The following MRFAP1 variants were observed in gnomAD, a reference collection of about 807,000 sequenced individuals.
MRFAP1 encodes MORF4 family-associated protein 1.
In MRFAP1, 1 loss-of-function variant was observed where a neutral mutation model predicts 9.3. The observed-to-expected ratio is 0.11, with a 90% CI of 0.04 to 0.51. The LOEUF (loss-of-function observed/expected upper bound fraction) is 0.51. Among genes scored for constraint, MRFAP1 ranks in the 20% least tolerant of loss-of-function variants. The probability of loss-of-function intolerance (pLI) is 0.94; values close to 1 mark genes in which losing one functional copy is unlikely to be tolerated. For missense variants in MRFAP1, 180 were observed against 178.6 expected, an observed-to-expected ratio of 1.01 and a Z score of -0.04; for synonymous variants, 101 against 80.3, an observed-to-expected ratio of 1.26 and a Z score of -1.38.
chr4:6,641,559 T>C, intron 1 of MRFAP1, 171 bp from the exon 2 acceptor site: 1 of 308,806 alleles, frequency 3.2e-6, no homozygotes, highest in Non-Finnish European at 6.0e-6. Flanking sequence ...GGGGTGGAAA[T>C]AGAGGATTTT....
rs749150979 is a variant in MRFAP1 at position 6,640,832 on chromosome 4, C to T, written c.-31C>T. ...TCGGTTTTCTCTCTCCAACAGACATCGCTATTGCGGTTCCGAGGCAGTGGG... is the reference window on the plus strand; with the variant it reads ...TCGGTTTTCTCTCTCCAACAGACATTGCTATTGCGGTTCCGAGGCAGTGGG... On this transcript the variant is annotated 5_prime_UTR_variant, in exon 1 of 2. Transcript: ENST00000382581. 1.3e-5 allele frequency: 21 copies of T among 1,582,446 alleles called. No homozygotes were observed. In the South Asian group the frequency reaches 2.2e-4, roughly 17 times the overall value.
rs1321302593 is a variant in MRFAP1 at position 6,641,120 on chromosome 4, C to T, written c.258C>T (p.Gly86=). The change falls in exon 1 of 2, where the codon GGC becomes GGT. Residue 86 remains glycine, a synonymous_variant. Coordinates refer to ENST00000382581, the MANE Select transcript of MRFAP1 (RefSeq NM_033296.3). ...CCCTCAACCACCTCCAGAACCCGGG[C>T]GACGCGGCCGAGGGCCGGGCGGCCA... ...ESALNHLQNP[G]DAAEGRAAKR... is the part of the protein sequence containing the mutation. The T allele has an allele frequency of 1.2e-6, 2 of 1,614,184 alleles. No homozygotes were observed. Among genetic ancestry groups the T allele is most frequent in the Middle Eastern group, 1.7e-4 (1 of 6,060 alleles).
In MRFAP1 at chr4:6,641,143, C is replaced by T. The variant is rs756488660; in HGVS notation, c.281C>T (p.Ala94Val). Reference protein sequence around the residue: ...NPGDAAEGRAAKRCEKAEEKA... With the variant: ...NPGDAAEGRAVKRCEKAEEKA... ...GGCGACGCGGCCGAGGGCCGGGCGG[C>T]CAAGAGGTGCGAGAAGGCCGAGGAG... Residue 94 changes from alanine (A) to valine (V), a missense_variant, in exon 1 of 2, where the codon GCC becomes GTC. By Grantham distance (64) the Ala-to-Val change is moderately conservative (BLOSUM62 0). Coordinates refer to ENST00000382581, the MANE Select transcript of MRFAP1 (RefSeq NM_033296.3). 1.9e-6 allele frequency: 3 copies of T among 1,614,126 alleles called. No homozygotes were observed. Among genetic ancestry groups the T allele is most frequent in the Admixed American group, 1.7e-5 (1 of 60,028 alleles).
chr4:6,641,423 C>G (rs1382243451), intron 1 of MRFAP1, 165 bp downstream of exon 1: 1 of 862,732 alleles, frequency 1.2e-6, no homozygotes, highest in African/African-American at 1.7e-5. Flanking sequence ...TGTTTTTTGA[C>G]GGTGGCGGCG....
In MRFAP1 at chr4:6,640,744, A is replaced by C. The variant is rs972458756; in HGVS notation, c.-119A>C. On this transcript the variant is annotated 5_prime_UTR_variant, in exon 1 of 2. Coordinates refer to ENST00000382581, the MANE Select transcript of MRFAP1 (RefSeq NM_033296.3). ...TGTCCGTGGCTTCTCTGAGAAGAAA[A>C]GTTGAAAAAGGGTAAAAGTTTTCAG... 6.0e-6 allele frequency: 8 copies of C among 1,339,166 alleles called. No individual in the cohort carries two copies. Among genetic ancestry groups the C allele is most frequent in the South Asian group, 2.9e-5 (2 of 69,160 alleles). The allele number at this position is 1,339,166 out of a possible 1,614,324, so 83.0% of individuals were successfully genotyped here.
chr4:6,640,753 A>G lies in MRFAP1; in HGVS notation c.-110A>G, dbSNP rs1712782481. The stretch of plus-strand genomic sequence containing the variant: ...CTTCTCTGAGAAGAAAAGTTGAAAA[A>G]GGGTAAAAGTTTTCAGGAATATTCG... On this transcript the variant is annotated 5_prime_UTR_variant, in exon 1 of 2. Transcript: ENST00000382581. 9 of 1,368,538 alleles carry G rather than the reference A, an allele frequency of 6.6e-6. No homozygotes were observed. Among genetic ancestry groups the G allele is most frequent in the Non-Finnish European group, 8.9e-6 (9 of 1,006,810 alleles). The allele number at this position is 1,368,538 out of a possible 1,614,324, so 84.8% of individuals were successfully genotyped here.
rs545715180 is a variant in MRFAP1, at chr4:6,640,715, C to T, written c.-148C>T. On this transcript the variant is annotated 5_prime_UTR_variant, in exon 1 of 2. Transcript: ENST00000382581. Reference sequence around the variant, plus strand: ...GTTCGCCGTTACTCTGCGCGTAAGTCGCTTGTCCGTGGCTTCTCTGAGAAG... The same window carrying T: ...GTTCGCCGTTACTCTGCGCGTAAGTTGCTTGTCCGTGGCTTCTCTGAGAAG... 1.1e-5 allele frequency: 11 copies of T among 1,043,742 alleles called. No individual in the cohort carries two copies. Among genetic ancestry groups the T allele is most frequent in the African/African-American group, 8.0e-5 (5 of 62,732 alleles). 64.7% of individuals were successfully genotyped at this position (1,043,742 alleles called of 1,614,324 possible). A position where few individuals can be genotyped will look rare whatever the true frequency, so the allele number is the denominator to read the frequency against.
Position 6,640,872 on chromosome 4 carries a change from C to T in MRFAP1, c.10C>T (p.Leu4=), listed in dbSNP as rs773553368. The T allele has an allele frequency of 6.2e-7, 1 of 1,608,596 alleles. No individual in the cohort carries two copies. Among genetic ancestry groups the T allele is most frequent in the Admixed American group, 1.7e-5 (1 of 59,872 alleles). MRP[L]DIVELAEPEE... ...GAGGCAGTGGGAAGAGATGCGGCCC[C>T]TGGACATCGTCGAGCTGGCGGAACC... The change falls in exon 1 of 2, where the codon CTG becomes TTG. Residue 4 remains leucine (L), a synonymous_variant. Transcript: ENST00000382581.
At chr4:6,641,571 G>A (rs910662514) in intron 1 of MRFAP1, 159 bp from the exon 2 acceptor site, 5 of 292,874 alleles carry the variant, frequency 1.7e-5, no homozygotes, top group Non-Finnish European at 3.2e-5. Context: ...GAGGATTTTC[G>A]GGGAAGACGT....
chr4:6,641,069 G>A lies in MRFAP1; in HGVS notation c.207G>A (p.Thr69=), dbSNP rs927164560. The A allele has an allele frequency of 1.9e-6, 3 of 1,614,152 alleles. No individual in the cohort carries two copies. The highest frequency in any genetic ancestry group is 1.7e-5 in the Admixed American group (1 of 60,036). The change falls in exon 1 of 2, where the codon ACG becomes ACA. Residue 69 remains threonine (T), a synonymous_variant. Transcript: ENST00000382581. ...EMDNMLIQIK[T]QVEASEESAL... ...ACAATATGCTCATCCAGATCAAAAC[G>A]CAGGTGGAGGCCTCGGAGGAGAGCG...
At position 6,641,223 on chromosome 4, in the gene MRFAP1, A is replaced by T. The variant is rs766734285; in HGVS notation, c.361A>T (p.Ile121Leu). 3 of 1,593,062 alleles carry T rather than the reference A, an allele frequency of 1.9e-6. No individual in the cohort carries two copies. The highest frequency in any genetic ancestry group is 2.6e-6 in the Non-Finnish European group (3 of 1,166,012). The change falls in exon 1 of 2, where the codon ATA becomes TTA. Residue 121 changes from isoleucine to leucine, a missense_variant. Ile to Leu is a conservative substitution (Grantham distance 5). Transcript: ENST00000382581. The part of the protein sequence containing the change: ...AEMLVELVRR[I>L]EKSESS ...GATGCTGGTGGAGCTGGTCCGGCGG[A>T]TAGAGAAGAGCGAGTCGTCGTGAGC...
At chr4:6,641,382 C>A (rs1163071402) in intron 1 of MRFAP1, 124 bp downstream of exon 1, 4 of 1,226,260 alleles carry the variant, frequency 3.3e-6, no homozygotes, top group Non-Finnish European at 4.5e-6. Flanking sequence ...GTGCTCGGGT[C>A]AGGGCCGATC....
rs777241090 is a variant in MRFAP1 at position 6,640,898 on chromosome 4, G to A, written c.36G>A (p.Pro12=). 6.2e-7 allele frequency: 1 copy of A among 1,612,090 alleles called. No homozygotes were observed. Among genetic ancestry groups the A allele is most frequent in the Admixed American group, 1.7e-5 (1 of 59,992 alleles). The change falls in exon 1 of 2, where the codon CCG becomes CCA. Residue 12 remains proline, a synonymous_variant. Transcript: ENST00000382581. ...RPLDIVELAE[P]EEVEVLEPEE... ...TGGACATCGTCGAGCTGGCGGAACC[G>A]GAGGAAGTGGAGGTGCTGGAGCCCG...
rs747210915 is a variant in MRFAP1 at position 6,640,985 on chromosome 4, G to C, written c.123G>C (p.Ser41=). 6.2e-7 allele frequency: 1 copy of C among 1,614,082 alleles called. No homozygotes were observed. Among genetic ancestry groups the C allele is most frequent in the Non-Finnish European group, 8.5e-7 (1 of 1,180,050 alleles). ...ACGAGATGCGCGAGGACATCGCGTC[G>C]CTGACGCGCGAGCACGGGCGGGCGT... is the stretch of plus-strand genomic sequence containing the variant. The part of the protein sequence containing the change: ...VINEMREDIA[S]LTREHGRAYL... The change falls in exon 1 of 2, where the codon TCG becomes TCC. Residue 41 remains serine, a synonymous_variant. Coordinates refer to ENST00000382581, the MANE Select transcript of MRFAP1 (RefSeq NM_033296.3).
Position 6,640,818 on chromosome 4 carries a change from T to C in MRFAP1, c.-45T>C, listed in dbSNP as rs755892277. On this transcript the variant is annotated 5_prime_UTR_variant, in exon 1 of 2. Transcript: ENST00000382581. ...AAGCATAGCGAGTGTCGGTTTTCTC[T>C]CTCCAACAGACATCGCTATTGCGGT... The C allele has an allele frequency of 6.4e-6, 10 of 1,560,946 alleles. No individual in the cohort carries two copies. The highest frequency in any genetic ancestry group is 1.4e-5 in the African/African-American group (1 of 73,740).
Position 6,641,194 on chromosome 4 carries a change from C to T in MRFAP1, c.332C>T (p.Ala111Val), listed in dbSNP as rs762995094. 3.7e-6 allele frequency: 6 copies of T among 1,610,736 alleles called. No homozygotes were observed. In the Admixed American group the frequency reaches 1.0e-4, roughly 27 times the overall value. The change falls in exon 1 of 2, where the codon GCA becomes GTA. Residue 111 changes from alanine to valine, a missense_variant. Ala to Val is a moderately conservative substitution (Grantham distance 64). Coordinates refer to ENST00000382581, the MANE Select transcript of MRFAP1 (RefSeq NM_033296.3). ...AAGGCCAAGGAGATTGCGAAGATGG[C>T]AGAGATGCTGGTGGAGCTGGTCCGG... ...EEKAKEIAKM[A>V]EMLVELVRRI...
At position 6,641,822 on chromosome 4, in the gene MRFAP1, C is replaced by T. The variant is rs377275604; in HGVS notation, c.*105C>T. 3 of 152,820 alleles carry T rather than the reference C, an allele frequency of 2.0e-5. No individual in the cohort carries two copies. The highest frequency in any genetic ancestry group is 7.2e-5 in the African/African-American group (3 of 41,410). 9.5% of individuals were successfully genotyped at this position (152,820 alleles called of 1,614,324 possible). On this transcript the variant is annotated 3_prime_UTR_variant, in exon 2 of 2. Transcript: ENST00000382581. ...AGAGCCTTTTGTTTTCTCTTTTTTCCTGTCTATGCTCTGTCTCACTTAACA... is the reference window on the plus strand; with the variant it reads ...AGAGCCTTTTGTTTTCTCTTTTTTCTTGTCTATGCTCTGTCTCACTTAACA...
rs780713377 is a variant in MRFAP1 at position 6,641,254 on chromosome 4, C to G, written c.*8C>G. On this transcript the variant is annotated 3_prime_UTR_variant, in exon 1 of 2. Coordinates refer to ENST00000382581, the MANE Select transcript of MRFAP1 (RefSeq NM_033296.3). ...AAGAGCGAGTCGTCGTGAGCGCGGT[C>G]GGCGGTAAGTCGGGCACCCGCGCCA... 6.4e-7 allele frequency: 1 copy of G among 1,558,932 alleles called. No homozygotes were observed. The highest frequency in any genetic ancestry group is 8.7e-7 in the Non-Finnish European group (1 of 1,147,630).
At position 6,641,721 on chromosome 4, in the gene MRFAP1, G is replaced by T. The variant is rs1712843263; in HGVS notation, c.*13-9G>T. ...TCTCGATGATGAATTTCTTCCCATT[G>T]TGCTTTAGGTTTCCAGCCAATGGAT... On this transcript the variant is annotated splice_polypyrimidine_tract_variant and intron_variant, in intron 1 of 1. Transcript: ENST00000382581. 6.5e-6 allele frequency: 1 copy of T among 154,864 alleles called. No individual in the cohort carries two copies. The highest frequency in any genetic ancestry group is 2.4e-5 in the African/African-American group (1 of 41,490). The allele number at this position is 154,864 out of a possible 1,614,324, so 9.6% of individuals were successfully genotyped here.
Sources: gnomAD v4.1 joint callset for allele counts on GRCh38, gnomAD v4.1.1 for gene constraint, MANE v1.5 for transcripts, NCBI Gene and HGNC (gene_info 2026-07-23, HGNC 2026-07-21) for gene names.